The following LOXL2 variants were observed in gnomAD, a reference collection of about 807,000 sequenced individuals.
The protein encoded by LOXL2 is lysyl oxidase like 2, also known as lysyl oxidase homolog 2.
A neutral mutation model predicts 93.0 loss-of-function variants in LOXL2; 70 were observed. That is an observed-to-expected ratio of 0.75 (90% CI 0.62 to 0.92). The LOEUF (loss-of-function observed/expected upper bound fraction) is 0.92, where lower values mean the gene tolerates loss of function less well. Ranked by LOEUF, LOXL2 falls within the 40% of genes least tolerant of loss-of-function variation. The pLI is 0.00. For synonymous variants in LOXL2, 438 were observed against 413.2 expected (o/e 1.06, Z -0.73); for missense variants, 973 against 1,054.9 (o/e 0.92, Z 1.08).
At chr8:23,344,347 T>C (rs1243640455) in intron 3 of LOXL2, among the ~76,000 whole-genome samples, 1 of 152,078 alleles carries the variant, frequency 6.6e-6, no homozygotes, top group Non-Finnish European at 1.5e-5. Flanking sequence ...TTTATGCATC[T>C]CTGTGTATGT....
At chr8:23,323,694 G>C (rs567218282) in intron 6 of LOXL2, among the ~76,000 whole-genome samples, 1 of 140,698 alleles carries the variant, frequency 7.1e-6, no homozygotes, top group Non-Finnish European at 1.5e-5. Flanking sequence ...GCCAGATCGG[G>C]ATTTTTTTTT....
intron 6 of LOXL2, 140 bp from the exon 7 acceptor site, chr8:23,322,421 C>T: frequency 1.5e-6 from 1 of 660,040 alleles, no homozygotes; most frequent in Non-Finnish European, 2.6e-6. Flanking sequence ...AGCTCAATGA[C>T]CCAAGCCTCT....
At chr8:23,326,937 G>C (rs1408268193) in intron 6 of LOXL2, among the ~76,000 whole-genome samples, 1 of 152,206 alleles carries the variant, frequency 6.6e-6, no homozygotes, top group African/African-American at 2.4e-5. Flanking sequence ...AATGTGAACA[G>C]GACTGGGCCA....
rs1463438838 is a variant in LOXL2 at position 23,328,368 on chromosome 8, T to A, written c.1150+14A>T. On this transcript the variant is annotated intron_variant, in intron 6 of 13. Transcript: ENST00000389131. ...CCAGGAAGAGAGGCCCCCTCTAGCCTCCCCATTCCTTACCTTGCCCCAGTC... is the reference window on the plus strand; with the variant it reads ...CCAGGAAGAGAGGCCCCCTCTAGCCACCCCATTCCTTACCTTGCCCCAGTC... 1 of 1,612,826 alleles carries A rather than the reference T, an allele frequency of 6.2e-7. No individual in the cohort carries two copies. The highest frequency in any genetic ancestry group is 2.2e-5 in the East Asian group (1 of 44,840).
intron 12 of LOXL2, among the ~76,000 whole-genome samples, chr8:23,300,957 T>A (rs1291134218): frequency 6.6e-6 from 1 of 152,214 alleles, no homozygotes; most frequent in Admixed American, 6.5e-5. Flanking sequence ...AAGTCTGTGG[T>A]TCTGGGCTTG....
At chr8:23,385,111 G>A (rs897464991) in intron 1 of LOXL2, among the ~76,000 whole-genome samples, 6 of 151,332 alleles carry the variant, frequency 4.0e-5, no homozygotes, top group African/African-American at 1.5e-4. Flanking sequence ...CCTGTTTTAT[G>A]TATTTATTTA....
intron 3 of LOXL2, among the ~76,000 whole-genome samples, chr8:23,344,251 G>A (rs1283019318): frequency 1.4e-4 from 21 of 152,376 alleles, no homozygotes; most frequent in South Asian, 4.1e-4. Flanking sequence ...GGGGCTCCAC[G>A]ATGAAGGCAA....
rs372415459 is a variant in LOXL2 at position 23,371,559 on chromosome 8, C to T, written c.-83-3125G>A. Among the ~76,000 whole-genome samples, 412 of 151,420 alleles carry T rather than the reference C, an allele frequency of 2.7e-3. 2 individuals are homozygous for T. The highest frequency in any genetic ancestry group is 4.2e-3 in the South Asian group (20 of 4,772). On this transcript the variant is annotated intron_variant, in intron 1 of 13. Coordinates refer to ENST00000389131, the MANE Select transcript of LOXL2 (RefSeq NM_002318.3). Reference sequence around the variant, plus strand: ...CAAGGTCAGGAGATCAAGCCCATCCCGGCTAACACGGTGAAACCCCGTCTC... The same window carrying T: ...CAAGGTCAGGAGATCAAGCCCATCCTGGCTAACACGGTGAAACCCCGTCTC...
chr8:23,310,477 C>T (rs922715343), intron 9 of LOXL2, among the ~76,000 whole-genome samples: 1 of 152,210 alleles, frequency 6.6e-6, no homozygotes, highest in Non-Finnish European at 1.5e-5. Flanking sequence ...TTCACATTGA[C>T]ATATATCCAT....
At chr8:23,337,494 T>C (rs942088969) in intron 4 of LOXL2, 3 of 152,152 alleles carry the variant, frequency 2.0e-5, no homozygotes, top group African/African-American at 7.2e-5. Context: ...CCCTAAGCTT[T>C]TGAATTCTGT....
chr8:23,359,600 T>C (rs989467947), intron 3 of LOXL2, among the ~76,000 whole-genome samples: 7 of 152,272 alleles, frequency 4.6e-5, no homozygotes, highest in Admixed American at 1.3e-4. Context: ...CTGAGGAGAA[T>C]CAAGTAGCTA....
At chr8:23,321,338 G>A (rs1162523116) in intron 7 of LOXL2, among the ~76,000 whole-genome samples, 2 of 152,164 alleles carry the variant, frequency 1.3e-5, no homozygotes, top group African/African-American at 2.4e-5. Context: ...GACTGTTCTG[G>A]AAGGAATCTG....
chr8:23,403,005 C>T (rs1402218429), intron 1 of LOXL2, among the ~76,000 whole-genome samples: 1 of 152,050 alleles, frequency 6.6e-6, no homozygotes, highest in Non-Finnish European at 1.5e-5. Context: ...TTTTGATGGT[C>T]TTAGCTCGGG....
intron 3 of LOXL2, among the ~76,000 whole-genome samples, chr8:23,347,806 A>C (rs1244334646): frequency 6.6e-6 from 1 of 152,182 alleles, no homozygotes; most frequent in Non-Finnish European, 1.5e-5. Flanking sequence ...TCATTTCTAA[A>C]AAAAAAAAGT....
chr8:23,350,753 T>C (rs56065531), intron 3 of LOXL2, among the ~76,000 whole-genome samples: 46,691 of 151,934 alleles, frequency 0.31, 9,401 homozygotes, highest in African/African-American at 0.57. Flanking sequence ...TCTGTTGGGG[T>C]CTTCCTCCTA....
intron 5 of LOXL2, 171 bp from the exon 6 acceptor site, chr8:23,328,736 T>TGTGTGG: frequency 1.6e-6 from 1 of 634,154 alleles, no homozygotes; most frequent in Non-Finnish European, 2.8e-6. Context: ...TGTGTGTGTG[T>TGTGTGG]GTGTGTGTGT....
chr8:23,307,250 A>G (rs1304886746), intron 10 of LOXL2, among the ~76,000 whole-genome samples: 1 of 152,212 alleles, frequency 6.6e-6, no homozygotes, highest in Admixed American at 6.5e-5. Context: ...TGTTCCTCCC[A>G]CAGCACCTGG....
intron 10 of LOXL2, among the ~76,000 whole-genome samples, chr8:23,307,548 G>C (rs1198104406): frequency 6.6e-6 from 1 of 152,174 alleles, no homozygotes; most frequent in East Asian, 1.9e-4. Context: ...ATTCTTAGAG[G>C]AGACCAAGTC....
At chr8:23,377,964 A>G (rs1188490028) in intron 1 of LOXL2, among the ~76,000 whole-genome samples, 3 of 152,278 alleles carry the variant, frequency 2.0e-5, no homozygotes, top group African/African-American at 7.2e-5. Context: ...TGTTACGTGT[A>G]AATTTGATCC....
Sources: gnomAD v4.1 joint callset for allele counts (sites outside exome capture counted in the v4.1 genomes callset) on GRCh38, gnomAD v4.1.1 for gene constraint, MANE v1.5 for transcripts, NCBI Gene and HGNC (gene_info 2026-07-23, HGNC 2026-07-21) for gene names.